Variants in MYH10 observed in about 807,000 individuals in gnomAD.
The protein encoded by MYH10 is myosin-10.
MYH10 carries 55 observed loss-of-function variants against 257.8 expected under a neutral mutation model. That is an observed-to-expected ratio of 0.21 (90% CI 0.17 to 0.27). The LOEUF is 0.27. MYH10 is among the 10% of genes least tolerant of loss of function. MYH10 has a pLI of 1.00. For missense variants in MYH10, 1,631 were observed against 2,500.6 expected, an observed-to-expected ratio of 0.65 and a Z score of 7.42; for synonymous variants, 854 against 921.7, an observed-to-expected ratio of 0.93 and a Z score of 1.33.
At chr17:8,595,963 T>C (rs1274843240) in intron 3 of MYH10, among the ~76,000 whole-genome samples, 2 of 152,220 alleles carry the variant, frequency 1.3e-5, no homozygotes, top group Non-Finnish European at 2.9e-5. Flanking sequence ...GACTTTAGAC[T>C]ATGCTTTCTT....
At chr17:8,567,703 G>A (rs1256084603) in intron 7 of MYH10, among the ~76,000 whole-genome samples, 3 of 152,200 alleles carry the variant, frequency 2.0e-5, no homozygotes, top group Admixed American at 6.5e-5. Context: ...CCATCTATAA[G>A]CCAAAGAAAG....
chr17:8,584,536 A>G (rs2083824637), intron 4 of MYH10, among the ~76,000 whole-genome samples: 1 of 152,186 alleles, frequency 6.6e-6, no homozygotes, highest in Admixed American at 6.5e-5. Flanking sequence ...TTGATTAGTG[A>G]TTGGATACAC....
chr17:8,530,671 G>T lies in MYH10; in HGVS notation c.1909C>A (p.Gln637Lys). Residue 637 changes from glutamine to lysine, a missense_variant, in exon 17 of 43, where the codon CAG becomes AAG. Gln to Lys is a moderately conservative substitution (Grantham distance 53). This residue lies in a region of MYH10 where 96 missense variants were observed against 146.2 expected (regional missense o/e 0.66). Transcript: ENST00000360416. ...ACACTGTCATAGAAAGAAGCTCTCTGAATATTCTGAATCTCTAAAGCAGAG... is the reference window on the plus strand; with the variant it reads ...ACACTGTCATAGAAAGAAGCTCTCTTAATATTCTGAATCTCTAAAGCAGAG... ...ELWKDEIQNI[Q>K]RASFYDSVSG... is the part of the protein sequence containing the mutation. 2 of 1,549,550 alleles carry T rather than the reference G, an allele frequency of 1.3e-6. No individual in the cohort carries two copies. The highest frequency in any genetic ancestry group is 1.7e-6 in the Non-Finnish European group (2 of 1,146,522).
chr17:8,476,207 T>C (rs965600906), intron 42 of MYH10, among the ~76,000 whole-genome samples: 8 of 152,114 alleles, frequency 5.3e-5, no homozygotes, highest in African/African-American at 1.9e-4. Context: ...GTGATGGAAA[T>C]GGTAAGGAAG....
Position 8,499,380 on chromosome 17 carries a change from A to C in MYH10, c.3841T>G (p.Ser1281Ala). ...VKVLQQVKAESEHKRKKLDAQ... is the reference protein window; with the variant it reads ...VKVLQQVKAEAEHKRKKLDAQ... The stretch of plus-strand genomic sequence containing the variant: ...TCGAGCTTCTTCCTCTTGTGCTCAG[A>C]CTCAGCCTTGACCTGCTGCAGGACC... The change falls in exon 30 of 43, where the codon TCT becomes GCT. Residue 1281 changes from serine (S) to alanine (A), a missense_variant. Ser to Ala is a moderately conservative substitution (Grantham distance 99). Around this residue, in one of 11 missense-constraint regions of MYH10, gnomAD observed 463 missense variants for 621.8 expected, o/e 0.74. Transcript: ENST00000360416. 6.2e-7 allele frequency: 1 copy of C among 1,614,054 alleles called. No individual in the cohort carries two copies. The highest frequency in any genetic ancestry group is 1.7e-5 in the Admixed American group (1 of 60,008).
At chr17:8,607,199 G>A (rs948046609) in intron 2 of MYH10, among the ~76,000 whole-genome samples, 4 of 152,092 alleles carry the variant, frequency 2.6e-5, no homozygotes, top group Non-Finnish European at 5.9e-5. Context: ...AGTCTATAAG[G>A]AAGCTACAGA....
At chr17:8,501,890 T>C (rs1396752658) in intron 28 of MYH10, among the ~76,000 whole-genome samples, 1 of 152,222 alleles carries the variant, frequency 6.6e-6, no homozygotes, top group Non-Finnish European at 1.5e-5. Flanking sequence ...GTAACTTGAA[T>C]AACCAGAGTT....
intron 3 of MYH10, among the ~76,000 whole-genome samples, chr17:8,590,174 T>C (rs1040972313): frequency 2.6e-5 from 4 of 152,220 alleles, no homozygotes; most frequent in African/African-American, 4.8e-5. Context: ...ATAACTTCCA[T>C]GAAAGAGAAA....
Position 8,548,564 on chromosome 17 carries a change from T to G in MYH10, c.1063+80A>C. 4 of 1,524,220 alleles carry G rather than the reference T, an allele frequency of 2.6e-6. 1 individual carries two copies. The South Asian group carries it at 5.0e-5, about 19-fold the overall frequency. 94.4% of individuals were successfully genotyped at this position (1,524,220 alleles called of 1,614,324 possible). ...ATACAATTCATTAGTTTCCCAGTCA[T>G]TTTCTAGTTTAGGTGATTTACCCCA... On this transcript the variant is annotated intron_variant, in intron 10 of 42. Transcript: ENST00000360416.
chr17:8,547,758 TAATA>T (rs1014162489), intron 11 of MYH10, among the ~76,000 whole-genome samples: 10 of 147,166 alleles, frequency 6.8e-5, no homozygotes, highest in South Asian at 6.3e-4. Flanking sequence ...TACATATATT[TAATA>T]AATATATACT....
intron 35 of MYH10, among the ~76,000 whole-genome samples, chr17:8,488,535 C>T (rs963054446): frequency 3.3e-5 from 5 of 152,202 alleles, no homozygotes; most frequent in Non-Finnish European, 7.3e-5. Context: ...AATACCTGCA[C>T]CCTATGTAGT....
At chr17:8,582,793 T>C (rs912042011) in intron 4 of MYH10, among the ~76,000 whole-genome samples, 5 of 152,250 alleles carry the variant, frequency 3.3e-5, no homozygotes, top group African/African-American at 1.2e-4. Flanking sequence ...TTCTGGACCA[T>C]GGGGATTTCC....
chr17:8,490,126 G>T lies in MYH10; in HGVS notation c.4884+214C>A, dbSNP rs1241234087. On this transcript the variant is annotated intron_variant, in intron 35 of 42. Transcript: ENST00000360416. The surrounding 1 kb of genome is among the most constrained non-coding windows in gnomAD (Gnocchi z 4.1). ...CTGACTGATAAGTGTCTGGCTTGTA[G>T]GCAGGAATGATACTGAGAAATAGTA... is the stretch of plus-strand genomic sequence containing the variant. 11 of 490,792 alleles carry T rather than the reference G, an allele frequency of 2.2e-5. No homozygotes were observed. The Admixed American group carries it at 3.7e-4, about 16-fold the overall frequency. 30.4% of individuals were successfully genotyped at this position (490,792 alleles called of 1,614,324 possible).
chr17:8,562,734 C>T (rs1036519301), intron 7 of MYH10, among the ~76,000 whole-genome samples: 1 of 152,202 alleles, frequency 6.6e-6, no homozygotes, highest in Non-Finnish European at 1.5e-5. Flanking sequence ...TACACGTGTA[C>T]TGTGAGAGCT....
chr17:8,478,240 G>A (rs1047152324), intron 41 of MYH10, 98 bp downstream of exon 41: 11 of 1,029,158 alleles, frequency 1.1e-5, no homozygotes, highest in African/African-American at 9.5e-5. Flanking sequence ...CATCAGAATC[G>A]GGAGGGCCCT....
chr17:8,506,081 G>T lies in MYH10; in HGVS notation c.3386+237C>A, dbSNP rs2081067043. ...ATTTGTTCTGGTGTGAATTTCCAAG[G>T]GTTTCATAATATAATTTGTCATTTT... On this transcript the variant is annotated intron_variant, in intron 27 of 42. Coordinates refer to ENST00000360416, the MANE Select transcript of MYH10 (RefSeq NM_001256012.3). The surrounding 1 kb of genome is among the most constrained non-coding windows in gnomAD (Gnocchi z 5.0). 1 of 429,830 alleles carries T rather than the reference G, an allele frequency of 2.3e-6. No homozygotes were observed. The highest frequency in any genetic ancestry group is 2.1e-5 in the African/African-American group (1 of 48,628). 26.6% of individuals were successfully genotyped at this position (429,830 alleles called of 1,614,324 possible). A position where few individuals can be genotyped will look rare whatever the true frequency, so the allele number is the denominator to read the frequency against.
At chr17:8,501,455 C>T (rs979535453) in intron 28 of MYH10, among the ~76,000 whole-genome samples, 2 of 152,144 alleles carry the variant, frequency 1.3e-5, no homozygotes, top group African/African-American at 4.8e-5. Flanking sequence ...CTGCCATAGC[C>T]CCAACAGACT....
At chr17:8,612,668 C>T (rs113227407) in intron 2 of MYH10, among the ~76,000 whole-genome samples, 1,943 of 152,052 alleles carry the variant, frequency 0.013, 41 homozygotes, top group African/African-American at 0.044. Flanking sequence ...CTGACCAACA[C>T]GGTGAAACCC....
chr17:8,534,913 T>C (rs1193744039), intron 16 of MYH10, among the ~76,000 whole-genome samples: 1 of 152,212 alleles, frequency 6.6e-6, no homozygotes, highest in African/African-American at 2.4e-5. Context: ...CTATGAGGAC[T>C]GATGGAAAGA....
Sources: allele counts gnomAD v4.1 joint callset (sites outside exome capture counted in the v4.1 genomes callset), GRCh38; gene constraint gnomAD v4.1.1; regional missense constraint gnomAD v4.1.1; non-coding constraint Gnocchi (gnomAD v3.1); transcripts MANE v1.5; gene names NCBI Gene and HGNC (gene_info 2026-07-23, HGNC 2026-07-21).